Variants in ADARB1 observed in about 807,000 individuals in gnomAD.
The protein encoded by ADARB1 is double-stranded RNA-specific editase 1.
In ADARB1, 10 loss-of-function variants were observed where a neutral mutation model predicts 52.4. That is an observed-to-expected ratio of 0.19 (90% confidence interval 0.12 to 0.32). The LOEUF is 0.32. Ranked by LOEUF, ADARB1 falls within the 10% of genes least tolerant of loss-of-function variation. The pLI, the probability that ADARB1 is intolerant of heterozygous loss-of-function variation, is 1.00. For synonymous variants in ADARB1, 349 were observed against 371.1 expected, an observed-to-expected ratio of 0.94 and a Z score of 0.68; for missense variants, 643 against 922.3, an observed-to-expected ratio of 0.70 and a Z score of 3.92.
At chr21:45,135,799 AG>A (rs1443236204) in intron 2 of ADARB1, among the ~76,000 whole-genome samples, 1 of 152,196 alleles carries the variant, frequency 6.6e-6, no homozygotes, top group Non-Finnish European at 1.5e-5. Context: ...CACAGTCAAG[AG>A]GGCCCTCTGT....
At chr21:45,093,608 C>T (rs1012457118) in intron 1 of ADARB1, among the ~76,000 whole-genome samples, 3 of 152,186 alleles carry the variant, frequency 2.0e-5, no homozygotes, top group African/African-American at 7.2e-5. Flanking sequence ...CTGTCCTCTT[C>T]TCTCAGGAAG....
chr21:45,189,159 G>A (rs2092207523), intron 8 of ADARB1, among the ~76,000 whole-genome samples: 1 of 152,026 alleles, frequency 6.6e-6, no homozygotes, highest in South Asian at 2.1e-4. Context: ...ATTTTGGTGG[G>A]GACATAGCTA....
chr21:45,139,891 A>T (rs992361472), intron 2 of ADARB1, among the ~76,000 whole-genome samples: 7 of 149,718 alleles, frequency 4.7e-5, no homozygotes, highest in Admixed American at 1.3e-4. Context: ...TGATTTTTTT[A>T]AAATTGGATT....
At chr21:45,192,031 C>A (rs2092315324) in intron 8 of ADARB1, among the ~76,000 whole-genome samples, 1 of 151,232 alleles carries the variant, frequency 6.6e-6, no homozygotes, top group Non-Finnish European at 1.5e-5. Context: ...AAATTTTTAG[C>A]CTTCATATTA....
At chr21:45,179,072 C>T (rs971857569) in intron 4 of ADARB1, among the ~76,000 whole-genome samples, 2 of 152,206 alleles carry the variant, frequency 1.3e-5, no homozygotes, top group Non-Finnish European at 1.5e-5. Flanking sequence ...TCGAATGAAT[C>T]GCCCTTTCCC....
intron 5 of ADARB1, chr21:45,181,333 G>C (rs540045289): frequency 9.8e-5 from 15 of 152,662 alleles, no homozygotes; most frequent in Non-Finnish European, 2.0e-4. Flanking sequence ...AAACCTGGCT[G>C]CTCTGCTCAT....
rs12482694 is a variant in ADARB1 at position 45,132,505 on chromosome 21, C to T, written c.-48+3932C>T. Reference sequence around the variant, plus strand: ...ATGTTGAATTTCTTTAACTTGAGGCCCTCACAATTTTCTGGGCCCCCATAA... The same window carrying T: ...ATGTTGAATTTCTTTAACTTGAGGCTCTCACAATTTTCTGGGCCCCCATAA... On this transcript the variant is annotated intron_variant, in intron 2 of 10. Coordinates refer to ENST00000348831, the MANE Select transcript of ADARB1 (RefSeq NM_001112.4). Among the ~76,000 whole-genome samples the T allele has an allele frequency of 8.2e-3, 1,243 of 152,236 alleles. 10 individuals carry two copies. Among genetic ancestry groups the T allele is most frequent in the African/African-American group, 0.019 (769 of 41,526 alleles).
At chr21:45,093,835 A>T (rs2086652929) in intron 1 of ADARB1, among the ~76,000 whole-genome samples, 1 of 152,220 alleles carries the variant, frequency 6.6e-6, no homozygotes, top group Admixed American at 6.5e-5. Context: ...AATGTCTCTC[A>T]TCTGCCCTTT....
rs1168238641 is a variant in ADARB1, at chr21:45,176,529, C to G, written c.828C>G (p.Gly276=). 1 of 1,614,182 alleles carries G rather than the reference C, an allele frequency of 6.2e-7. No homozygotes were observed. Among genetic ancestry groups the G allele is most frequent in the Non-Finnish European group, 8.5e-7 (1 of 1,180,034 alleles). ...TCGTGGATGGTCAGTTCTTTGAAGG[C>G]TCGGGGAGAAACAAGAAGCTTGCCA... ...SVVVDGQFFE[G]SGRNKKLAKA... Residue 276 remains glycine (G), a synonymous_variant, in exon 4 of 11, where the codon GGC becomes GGG. Transcript: ENST00000348831. The surrounding 1 kb of genome is among the most constrained non-coding windows in gnomAD (Gnocchi z 5.8).
chr21:45,090,792 G>A (rs1327605031), intron 1 of ADARB1, among the ~76,000 whole-genome samples: 2 of 152,110 alleles, frequency 1.3e-5, no homozygotes, highest in Admixed American at 6.5e-5. Flanking sequence ...TTATTTTCAC[G>A]TCATCCTTGT....
intron 1 of ADARB1, among the ~76,000 whole-genome samples, chr21:45,109,326 G>C (rs1051445994): frequency 6.6e-6 from 1 of 152,164 alleles, no homozygotes; most frequent in Non-Finnish European, 1.5e-5. Context: ...GCGCGTGTGC[G>C]TATATGTGTG....
chr21:45,222,837 G>A lies in ADARB1; in HGVS notation c.*640G>A, dbSNP rs1245829045. 7.1e-6 allele frequency: 7 copies of A among 985,504 alleles called. No individual in the cohort carries two copies. Among genetic ancestry groups the A allele is most frequent in the African/African-American group, 1.7e-5 (1 of 57,340 alleles). 61.0% of individuals were successfully genotyped at this position (985,504 alleles called of 1,614,324 possible). ...GAGCAGACTCCCAGCATGGTGTAGC[G>A]TGGCCCTGTCATGCACATGGGGTCC... is the stretch of plus-strand genomic sequence containing the variant. On this transcript the variant is annotated 3_prime_UTR_variant, in exon 11 of 11. Coordinates refer to ENST00000348831, the MANE Select transcript of ADARB1 (RefSeq NM_001112.4).
chr21:45,180,867 C>A (rs2091905797), intron 5 of ADARB1, among the ~76,000 whole-genome samples: 1 of 152,114 alleles, frequency 6.6e-6, no homozygotes, highest in African/African-American at 2.4e-5. Flanking sequence ...AGTAGAAAAT[C>A]CGTGGGGAAA....
intron 2 of ADARB1, among the ~76,000 whole-genome samples, chr21:45,155,367 C>T (rs895182958): frequency 2.0e-5 from 3 of 152,118 alleles, no homozygotes; most frequent in African/African-American, 4.8e-5. Flanking sequence ...AGGCGGCTGT[C>T]GTACCAGCCT....
At chr21:45,139,066 G>A (rs1290198488) in intron 2 of ADARB1, among the ~76,000 whole-genome samples, 6 of 152,050 alleles carry the variant, frequency 3.9e-5, no homozygotes, top group Non-Finnish European at 7.4e-5. Context: ...GACTACAGGC[G>A]CATGCCACCA....
Position 45,224,290 on chromosome 21 carries a change from A to C in ADARB1, c.*2093A>C. 1 of 985,490 alleles carries C rather than the reference A, an allele frequency of 1.0e-6. No individual in the cohort carries two copies. Among genetic ancestry groups the C allele is most frequent in the Non-Finnish European group, 1.2e-6 (1 of 829,970 alleles). The allele number at this position is 985,490 out of a possible 1,614,324, so 61.0% of individuals were successfully genotyped here. A position where few individuals can be genotyped will look rare whatever the true frequency, so the allele number is the denominator to read the frequency against. The stretch of plus-strand genomic sequence containing the variant: ...TTTTCCCTTCTGTCAGGTAATAGCT[A>C]AAGTCAGCATGATTGCTCCCTGTAC... On this transcript the variant is annotated 3_prime_UTR_variant, in exon 11 of 11. Transcript: ENST00000348831.
chr21:45,146,518 C>T (rs1031960127), intron 2 of ADARB1, among the ~76,000 whole-genome samples: 1 of 152,200 alleles, frequency 6.6e-6, no homozygotes, highest in Admixed American at 6.5e-5. Context: ...AGCAGCCTCC[C>T]TGGGAGTGGC....
At chr21:45,181,790 G>A (rs141931976) in intron 5 of ADARB1, among the ~76,000 whole-genome samples, 222 of 152,342 alleles carry the variant, frequency 1.5e-3, no homozygotes, top group African/African-American at 5.1e-3. Flanking sequence ...GTGGACTTGG[G>A]CAGGTTACAA....
At chr21:45,095,987 C>T (rs947758605) in intron 1 of ADARB1, among the ~76,000 whole-genome samples, 1 of 152,168 alleles carries the variant, frequency 6.6e-6, no homozygotes, top group Non-Finnish European at 1.5e-5. Context: ...TTGAGAGAGC[C>T]GCACACACTG....
Sources: gnomAD v4.1 joint callset for allele counts (sites outside exome capture counted in the v4.1 genomes callset) on GRCh38, gnomAD v4.1.1 for gene constraint, Gnocchi (gnomAD v3.1) non-coding constraint, MANE v1.5 for transcripts, NCBI Gene and HGNC (gene_info 2026-07-23, HGNC 2026-07-21) for gene names.